Variants in TENM2 observed in about 807,000 individuals in gnomAD.
The protein encoded by TENM2 is teneurin transmembrane protein 2, also known as teneurin-2.
Under a neutral mutation model 245.2 loss-of-function variants are expected in TENM2, and 52 were observed. That is an observed-to-expected ratio of 0.21 (90% CI 0.17 to 0.27). The LOEUF is 0.27. Among genes scored for constraint, TENM2 ranks in the 10% least tolerant of loss-of-function variants. TENM2 has a pLI of 1.00. For synonymous variants in TENM2, 1,363 were observed against 1,438.9 expected (o/e 0.95, Z 1.19); for missense variants, 3,046 against 3,666.8 (o/e 0.83, Z 4.37).
At chr5:167,825,283 T>G (rs1427036431) in intron 2 of TENM2, among the ~76,000 whole-genome samples, 1 of 151,866 alleles carries the variant, frequency 6.6e-6, no homozygotes, top group African/African-American at 2.4e-5. Flanking sequence ...GTGTAGTACA[T>G]GGGTTTCTGC....
intron 1 of TENM2, among the ~76,000 whole-genome samples, chr5:167,360,005 A>T (rs901202516): frequency 6.6e-6 from 1 of 152,152 alleles, no homozygotes; most frequent in Non-Finnish European, 1.5e-5. Context: ...AACGACAGAC[A>T]CTGGGGTCTA....
chr5:167,135,523 T>TC, the TENM2 span, among the ~76,000 whole-genome samples: 2 of 152,160 alleles, frequency 1.3e-5, no homozygotes, highest in Admixed American at 6.5e-5. Context: ...ACGCCTGTAA[T>TC]CCCAGCACTT....
chr5:166,990,159 T>C, the TENM2 span, among the ~76,000 whole-genome samples: 1 of 152,222 alleles, frequency 6.6e-6, no homozygotes. Context: ...TTCTTTTTTC[T>C]GTGGTTTAGA....
intron 2 of TENM2, among the ~76,000 whole-genome samples, chr5:167,565,885 T>C (rs1044980991): frequency 1.3e-5 from 2 of 152,060 alleles, no homozygotes; most frequent in Non-Finnish European, 2.9e-5. Context: ...TTTAAGGGAG[T>C]GTATGGCACT....
intron 2 of TENM2, among the ~76,000 whole-genome samples, chr5:167,637,864 A>T (rs279388): frequency 2.6e-5 from 4 of 151,898 alleles, no homozygotes; most frequent in Admixed American, 6.6e-5. Flanking sequence ...CTAATGCATG[A>T]GGAGCTTAAA....
rs376441632 is a variant in TENM2, at chr5:167,883,470, G to A, written c.712+7275G>A. ...CAACTAGGGTCAGGACCACTCTTCT[G>A]CACCATGGTGCAAATGAGCACACAA... On this transcript the variant is annotated intron_variant, in intron 3 of 28. Coordinates refer to ENST00000518659, the Ensembl canonical transcript of TENM2. 3.9e-5 allele frequency among the ~76,000 whole-genome samples: 6 copies of A among 152,188 alleles called. No homozygotes were observed. The East Asian group carries it at 5.8e-4, about 15-fold the overall frequency.
intron 2 of TENM2, among the ~76,000 whole-genome samples, chr5:167,622,813 G>A (rs796695747): frequency 7.2e-5 from 11 of 152,252 alleles, no homozygotes; most frequent in African/African-American, 2.6e-4. Flanking sequence ...GAGGAGACCA[G>A]GAGGGTGGGG....
the TENM2 span, among the ~76,000 whole-genome samples, chr5:167,240,317 T>C: frequency 6.6e-6 from 1 of 151,950 alleles, no homozygotes; most frequent in Non-Finnish European, 1.5e-5. Context: ...TTATTAACCA[T>C]TTCTTTAGAG....
intron 2 of TENM2, among the ~76,000 whole-genome samples, chr5:167,786,295 A>T (rs541799075): frequency 3.9e-5 from 6 of 152,336 alleles, no homozygotes; most frequent in Middle Eastern, 3.4e-3. Flanking sequence ...TTAAAGGTGA[A>T]TTCATTACCT....
the TENM2 span, among the ~76,000 whole-genome samples, chr5:167,233,255 G>A: frequency 6.6e-6 from 1 of 152,182 alleles, no homozygotes; most frequent in Admixed American, 6.5e-5. Context: ...TAGCTGGTTG[G>A]CTGCTTATGC....
chr5:167,672,746 G>C (rs1314241970), intron 2 of TENM2, among the ~76,000 whole-genome samples: 1 of 151,978 alleles, frequency 6.6e-6, no homozygotes, highest in African/African-American at 2.4e-5. Flanking sequence ...GTTCACGCAG[G>C]CACCTATTTC....
At chr5:167,380,324 A>G (rs535111799) in intron 2 of TENM2, among the ~76,000 whole-genome samples, 2 of 152,164 alleles carry the variant, frequency 1.3e-5, no homozygotes, top group Admixed American at 1.3e-4. Context: ...ACATTGTCAC[A>G]TGGCATGATA....
intron 3 of TENM2, among the ~76,000 whole-genome samples, chr5:167,890,270 G>A (rs573655228): frequency 6.6e-6 from 1 of 152,214 alleles, no homozygotes; most frequent in East Asian, 1.9e-4. Flanking sequence ...CTGAGTCGCC[G>A]AATCTGTCGC....
intron 10 of TENM2, among the ~76,000 whole-genome samples, chr5:168,124,622 A>G (rs927512854): frequency 6.6e-6 from 1 of 152,140 alleles, no homozygotes; most frequent in African/African-American, 2.4e-5. Context: ...TTTCTCTTGT[A>G]TCTTCTTCAA....
intron 2 of TENM2, among the ~76,000 whole-genome samples, chr5:167,451,807 C>T (rs1395128122): frequency 6.6e-6 from 1 of 152,120 alleles, no homozygotes; most frequent in Non-Finnish European, 1.5e-5. Flanking sequence ...TGCCACCACG[C>T]CCGGCTAATT....
the TENM2 span, among the ~76,000 whole-genome samples, chr5:167,085,153 C>G: frequency 6.6e-6 from 1 of 152,152 alleles, no homozygotes; most frequent in African/African-American, 2.4e-5. Context: ...TGAATATGCT[C>G]TGAAGAGGGG....
chr5:167,126,720 G>A, the TENM2 span, among the ~76,000 whole-genome samples: 3 of 151,954 alleles, frequency 2.0e-5, no homozygotes, highest in Non-Finnish European at 2.9e-5. Context: ...AAGCTAAACC[G>A]TATCCATTTT....
chr5:167,666,709 T>C (rs1032557128), intron 2 of TENM2, among the ~76,000 whole-genome samples: 1 of 152,230 alleles, frequency 6.6e-6, no homozygotes, highest in Non-Finnish European at 1.5e-5. Context: ...ACAAATGGTC[T>C]GAAATATTCA....
chr5:167,822,588 T>C (rs1426068374), intron 2 of TENM2, among the ~76,000 whole-genome samples: 2 of 152,242 alleles, frequency 1.3e-5, no homozygotes, highest in Admixed American at 6.5e-5. Flanking sequence ...ATGTCAGAAC[T>C]GTGGGATAGT....
Sources: allele counts gnomAD v4.1 joint callset (sites outside exome capture counted in the v4.1 genomes callset), GRCh38; gene constraint gnomAD v4.1.1; transcripts MANE v1.5; gene names NCBI Gene and HGNC (gene_info 2026-07-23, HGNC 2026-07-21).